Variants in GRM1 observed in about 807,000 individuals in gnomAD.
GRM1 encodes the protein metabotropic glutamate receptor 1.
In GRM1, 33 loss-of-function variants were observed where a neutral mutation model predicts 90.9. That is an observed-to-expected ratio of 0.36 (90% confidence interval 0.28 to 0.49). The LOEUF (loss-of-function observed/expected upper bound fraction) is 0.49, where lower values mean the gene tolerates loss of function less well. GRM1 is among the 20% of genes least tolerant of loss of function. The probability of loss-of-function intolerance (pLI) is 0.99; values close to 1 mark genes in which losing one functional copy is unlikely to be tolerated. For synonymous variants in GRM1, 700 were observed against 613.2 expected (o/e 1.14, Z -2.09); for missense variants, 1,190 against 1,534.3 (o/e 0.78, Z 3.75).
At chr6:146,331,342 A>G (rs1034494337) in intron 3 of GRM1, among the ~76,000 whole-genome samples, 3 of 152,186 alleles carry the variant, frequency 2.0e-5, no homozygotes, top group Non-Finnish European at 2.9e-5. Context: ...GGGAAGAAAG[A>G]ATAAATCTCT....
chr6:146,104,250 C>CT (rs761879845), intron 1 of GRM1, among the ~76,000 whole-genome samples: 10 of 152,078 alleles, frequency 6.6e-5, no homozygotes, highest in Non-Finnish European at 1.2e-4. Context: ...ACCATCCTGG[C>CT]TAACACGGTG....
chr6:146,398,832 C>T lies in GRM1; in HGVS notation c.1793C>T (p.Ala598Val). 1 of 1,613,842 alleles carries T rather than the reference C, an allele frequency of 6.2e-7. No individual in the cohort carries two copies. The highest frequency in any genetic ancestry group is 8.5e-7 in the Non-Finnish European group (1 of 1,179,774). The change falls in exon 7 of 8, where the codon GCC (alanine) becomes GTC (valine). Residue 598 changes from alanine to valine, a missense_variant. Physicochemically the swap from Ala to Val is moderately conservative, Grantham distance 64. This residue lies in a region of GRM1 where 414 missense variants were observed against 598.4 expected (regional missense o/e 0.69). Transcript: ENST00000282753. The stretch of plus-strand genomic sequence containing the variant: ...AACATCGAATCCATTATAGCCATCG[C>T]CTTTTCATGCCTGGGAATCCTTGTT... ...WSNIESIIAI[A>V]FSCLGILVTL...
intron 3 of GRM1, among the ~76,000 whole-genome samples, chr6:146,324,329 T>A (rs1488936710): frequency 6.6e-6 from 1 of 152,146 alleles, no homozygotes; most frequent in East Asian, 1.9e-4. Flanking sequence ...CTTGCTGAGC[T>A]CTGTGCGGGT....
intron 2 of GRM1, among the ~76,000 whole-genome samples, chr6:146,262,915 T>C (rs1271098991): frequency 6.6e-6 from 1 of 151,936 alleles, no homozygotes; most frequent in Admixed American, 6.6e-5. Flanking sequence ...CCTAATGCAA[T>C]TTGTCACCTA....
At chr6:146,109,871 T>C (rs1775489362) in intron 1 of GRM1, among the ~76,000 whole-genome samples, 1 of 152,198 alleles carries the variant, frequency 6.6e-6, no homozygotes, top group Non-Finnish European at 1.5e-5. Context: ...AGCTTTAAGA[T>C]TTGACTGCCC....
At chr6:146,062,553 T>C (rs1775710907) in intron 1 of GRM1, among the ~76,000 whole-genome samples, 1 of 146,256 alleles carries the variant, frequency 6.8e-6, no homozygotes, top group South Asian at 2.1e-4. Flanking sequence ...GTTTTAAGAA[T>C]TCAGGATGTT....
intron 2 of GRM1, among the ~76,000 whole-genome samples, chr6:146,248,953 A>G (rs1781174632): frequency 6.6e-6 from 1 of 152,206 alleles, no homozygotes; most frequent in South Asian, 2.1e-4. Context: ...CCCCTGCCCT[A>G]GAGATCTGTG....
intron 1 of GRM1, among the ~76,000 whole-genome samples, chr6:146,088,139 T>C (rs550838473): frequency 3.3e-5 from 5 of 152,300 alleles, no homozygotes; most frequent in African/African-American, 1.2e-4. Flanking sequence ...TTCTGATATG[T>C]GTACTAATAA....
chr6:146,069,293 C>A (rs561861900), intron 1 of GRM1, among the ~76,000 whole-genome samples: 1 of 152,216 alleles, frequency 6.6e-6, no homozygotes, highest in Admixed American at 6.5e-5. Context: ...TATTCAATAT[C>A]TTTCATCAGT....
chr6:146,301,931 T>C (rs937904249), intron 2 of GRM1, among the ~76,000 whole-genome samples: 2 of 152,046 alleles, frequency 1.3e-5, no homozygotes, highest in African/African-American at 4.8e-5. Context: ...AATAGGCAGG[T>C]CATTTACCAT....
chr6:146,180,083 T>C (rs1448324472), intron 2 of GRM1, among the ~76,000 whole-genome samples: 3 of 151,958 alleles, frequency 2.0e-5, no homozygotes, highest in African/African-American at 7.2e-5. Flanking sequence ...AGGTCAAGAC[T>C]GAAGTGAGCC....
chr6:146,388,424 G>A (rs1057500267), intron 6 of GRM1, among the ~76,000 whole-genome samples: 4 of 151,948 alleles, frequency 2.6e-5, no homozygotes, highest in Admixed American at 6.6e-5. Context: ...AAGAAATCAT[G>A]CAGTTTATTC....
At chr6:146,349,487 C>T (rs992554524) in intron 3 of GRM1, among the ~76,000 whole-genome samples, 4 of 152,128 alleles carry the variant, frequency 2.6e-5, no homozygotes, top group African/African-American at 7.2e-5. Flanking sequence ...TCACTCAATG[C>T]TCCTCTTTTT....
At chr6:146,127,998 G>C (rs940056722) in intron 1 of GRM1, among the ~76,000 whole-genome samples, 12 of 152,120 alleles carry the variant, frequency 7.9e-5, no homozygotes, top group African/African-American at 2.9e-4. Context: ...AGTTGACACT[G>C]GCCATCTGCT....
At chr6:146,274,031 A>G (rs1003822039) in intron 2 of GRM1, among the ~76,000 whole-genome samples, 6 of 152,238 alleles carry the variant, frequency 3.9e-5, no homozygotes, top group African/African-American at 7.2e-5. Flanking sequence ...TCACTCTGCA[A>G]TCGTTTTTGT....
intron 2 of GRM1, among the ~76,000 whole-genome samples, chr6:146,240,929 G>A (rs548236156): frequency 1.3e-5 from 2 of 152,160 alleles, no homozygotes; most frequent in Non-Finnish European, 2.9e-5. Context: ...TACTGAATGT[G>A]GGTCCCCTGG....
At chr6:146,190,722 C>G (rs942877946) in intron 2 of GRM1, among the ~76,000 whole-genome samples, 1 of 152,172 alleles carries the variant, frequency 6.6e-6, no homozygotes, top group South Asian at 2.1e-4. Context: ...CTCCTCATCT[C>G]CATCCGTATT....
chr6:146,029,476 T>TG lies in GRM1; in HGVS notation c.-39dup, dbSNP rs753162649. On this transcript the variant is annotated 5_prime_UTR_variant, in exon 1 of 8. Coordinates refer to ENST00000282753, the MANE Select transcript of GRM1 (RefSeq NM_001278064.2). ...CCGGGAGCCTGCAGCGGGACCAGCGTGGGAACGCGGCTGGCAGGCTGTGGA... is the reference window on the plus strand; with the variant it reads ...CCGGGAGCCTGCAGCGGGACCAGCGTGGGGAACGCGGCTGGCAGGCTGTGGA... The TG allele has an allele frequency of 1.3e-6, 2 of 1,500,302 alleles. No homozygotes were observed. The highest frequency in any genetic ancestry group is 1.9e-6 in the Non-Finnish European group (2 of 1,076,546). The allele number at this position is 1,500,302 out of a possible 1,614,324, so 92.9% of individuals were successfully genotyped here.
At chr6:146,069,240 C>T (rs1367678295) in intron 1 of GRM1, among the ~76,000 whole-genome samples, 2 of 152,100 alleles carry the variant, frequency 1.3e-5, no homozygotes, top group Non-Finnish European at 2.9e-5. Context: ...TGATCCTGTA[C>T]AACACTGAGC....
Sources: allele counts gnomAD v4.1 joint callset (sites outside exome capture counted in the v4.1 genomes callset), GRCh38; gene constraint gnomAD v4.1.1; regional missense constraint gnomAD v4.1.1; transcripts MANE v1.5; gene names NCBI Gene and HGNC (gene_info 2026-07-23, HGNC 2026-07-21).